The following SCMH1 variants were observed in gnomAD, a reference collection of about 807,000 sequenced individuals.
SCMH1 encodes Scm polycomb group protein homolog 1.
In SCMH1, 37 loss-of-function variants were observed where a neutral mutation model predicts 70.8. That is an observed-to-expected ratio of 0.52 (90% CI 0.40 to 0.69). SCMH1 has a LOEUF of 0.69. Ranked by LOEUF, SCMH1 falls within the 30% of genes least tolerant of loss-of-function variation. The probability of loss-of-function intolerance (pLI) is 0.00; values close to 1 mark genes in which losing one functional copy is unlikely to be tolerated. For missense variants in SCMH1, 607 were observed against 827.3 expected (o/e 0.73, Z 3.27); for synonymous variants, 292 against 307.4 (o/e 0.95, Z 0.52).
exon 13 of SCMH1, chr1:41,037,398 TTGG>T: frequency 6.2e-7 from 1 of 1,614,208 alleles, no homozygotes; most frequent in South Asian, 1.1e-5. Context: ...GAGGCAGTGC[TTGG>T]TGGGAGGCCA....
chr1:41,137,554 TC>T (rs1643548758), intron 6 of SCMH1, among the ~76,000 whole-genome samples: 1 of 152,236 alleles, frequency 6.6e-6, no homozygotes, highest in African/African-American at 2.4e-5. Context: ...TGTTGAGCCT[TC>T]ATTAGTACAT....
chr1:41,181,975 T>A (rs1010877089), intron 2 of SCMH1, among the ~76,000 whole-genome samples: 3 of 152,118 alleles, frequency 2.0e-5, no homozygotes, highest in Non-Finnish European at 4.4e-5. Context: ...ATAGACTGGA[T>A]TAAGAAAATG....
chr1:41,171,627 G>C (rs1184821323), intron 2 of SCMH1, among the ~76,000 whole-genome samples: 2 of 151,866 alleles, frequency 1.3e-5, no homozygotes, highest in Non-Finnish European at 1.5e-5. Flanking sequence ...AGCACATGAA[G>C]CATTCTCCAA....
At chr1:41,200,899 C>A (rs6672508) in intron 1 of SCMH1, among the ~76,000 whole-genome samples, 2 of 151,736 alleles carry the variant, frequency 1.3e-5, no homozygotes, top group Admixed American at 6.6e-5. Flanking sequence ...TATGGCTTTG[C>A]GGACAGATAA....
chr1:41,103,652 T>C (rs926387278), intron 8 of SCMH1, among the ~76,000 whole-genome samples: 7 of 152,226 alleles, frequency 4.6e-5, no homozygotes, highest in African/African-American at 1.7e-4. Flanking sequence ...ATTTATGAAC[T>C]GCATAAATCA....
intron 1 of SCMH1, among the ~76,000 whole-genome samples, chr1:41,233,028 T>C (rs370045505): frequency 2.6e-5 from 4 of 152,106 alleles, no homozygotes; most frequent in Non-Finnish European, 5.9e-5. Flanking sequence ...GACAAACAAG[T>C]CCCTTCTTTA....
intron 12 of SCMH1, among the ~76,000 whole-genome samples, chr1:41,040,968 TAGAG>T (rs1411752643): frequency 5.3e-5 from 8 of 152,124 alleles, no homozygotes; most frequent in African/African-American, 1.2e-4. Context: ...TTGCCAAAGA[TAGAG>T]AGAACCTGTC....
chr1:41,124,904 A>G (rs1032298068), intron 6 of SCMH1, among the ~76,000 whole-genome samples: 1 of 152,064 alleles, frequency 6.6e-6, no homozygotes. Flanking sequence ...CTGGCCTGCT[A>G]AAGAGATTTG....
rs541496637 is a variant in SCMH1 at position 41,054,257 on chromosome 1, TA to T, written c.1106-5368del. Among the ~76,000 whole-genome samples the T allele has an allele frequency of 3.0e-3, 455 of 152,238 alleles. 3 individuals are homozygous for T. Among genetic ancestry groups the T allele is most frequent in the African/African-American group, 0.01 (434 of 41,534 alleles). ...AGTTTGACAGGACTGTTGCCTATAG[TA>T]ACATGGAAATAAGAAATATTCCTGA... On this transcript the variant is annotated intron_variant, in intron 10 of 14. Coordinates refer to ENST00000337495, the Ensembl canonical transcript of SCMH1.
intron 1 of SCMH1, among the ~76,000 whole-genome samples, chr1:41,219,932 C>CAA (rs147480594): frequency 9.9e-5 from 12 of 121,148 alleles, no homozygotes; most frequent in African/African-American, 3.5e-4. Context: ...CTCCGTCTCA[C>CAA]AAAAAAAAAA....
At chr1:41,081,998 G>A (rs1412779073) in intron 8 of SCMH1, among the ~76,000 whole-genome samples, 1 of 151,986 alleles carries the variant, frequency 6.6e-6, no homozygotes, top group Admixed American at 6.6e-5. Context: ...AGTCAAATAG[G>A]TATCCATATG....
intron 10 of SCMH1, among the ~76,000 whole-genome samples, chr1:41,059,902 C>T: frequency 6.6e-6 from 1 of 151,814 alleles, no homozygotes; most frequent in East Asian, 1.9e-4. Flanking sequence ...GGAACTCTCC[C>T]ATTTCATAAG....
chr1:41,181,212 G>T (rs1408083017), intron 2 of SCMH1, among the ~76,000 whole-genome samples: 1 of 152,294 alleles, frequency 6.6e-6, no homozygotes. Context: ...ATGGATTAAA[G>T]ACTTAAATGT....
exon 15 of SCMH1, chr1:41,028,090 G>T: frequency 7.0e-7 from 1 of 1,425,116 alleles, no homozygotes; most frequent in Non-Finnish European, 9.7e-7. Flanking sequence ...GTCCTGAGGT[G>T]GCCCGGAACC....
intron 1 of SCMH1, among the ~76,000 whole-genome samples, chr1:41,206,461 A>G (rs534993132): frequency 2.0e-4 from 30 of 152,356 alleles, no homozygotes; most frequent in Non-Finnish European, 2.6e-4. Context: ...TGAAGATCAA[A>G]TTAATGAAAT....
At chr1:41,209,028 TA>T (rs1268307505) in intron 1 of SCMH1, among the ~76,000 whole-genome samples, 1 of 151,890 alleles carries the variant, frequency 6.6e-6, no homozygotes, top group African/African-American at 2.4e-5. Flanking sequence ...ATAGATGCAA[TA>T]AAAAATGATA....
At chr1:41,208,942 C>A (rs1656297872) in intron 1 of SCMH1, among the ~76,000 whole-genome samples, 1 of 152,058 alleles carries the variant, frequency 6.6e-6, no homozygotes, top group Non-Finnish European at 1.5e-5. Context: ...AATCCAGGAA[C>A]TGGTTTTTTG....
intron 8 of SCMH1, among the ~76,000 whole-genome samples, chr1:41,088,781 T>C (rs911596623): frequency 3.3e-5 from 5 of 151,798 alleles, no homozygotes; most frequent in Non-Finnish European, 5.9e-5. Context: ...CTTCTAAGAG[T>C]TTTTCCATAG....
At chr1:41,232,792 A>C (rs1215252299) in intron 1 of SCMH1, among the ~76,000 whole-genome samples, 1 of 152,246 alleles carries the variant, frequency 6.6e-6, no homozygotes, top group African/African-American at 2.4e-5. Flanking sequence ...CTTTAAATAC[A>C]TTTTGGAATA....
Sources: gnomAD v4.1 joint callset for allele counts (sites outside exome capture counted in the v4.1 genomes callset) on GRCh38, gnomAD v4.1.1 for gene constraint, MANE v1.5 for transcripts, NCBI Gene and HGNC (gene_info 2026-07-23, HGNC 2026-07-21) for gene names.